The following DDX10 variants were observed in gnomAD, a reference collection of about 807,000 sequenced individuals.
DDX10 encodes DEAD-box helicase 10, also known as probable ATP-dependent RNA helicase DDX10.
A neutral mutation model predicts 104.3 loss-of-function variants in DDX10; 74 were observed. The observed-to-expected ratio is 0.71, with a 90% CI of 0.59 to 0.86. The LOEUF is 0.86. Among genes scored for constraint, DDX10 ranks in the 40% least tolerant of loss-of-function variants. DDX10 has a pLI of 0.00. For synonymous variants in DDX10, 351 were observed against 353.4 expected (o/e 0.99, Z 0.08); for missense variants, 952 against 1,040.0 (o/e 0.92, Z 1.16).
chr11:108,888,804 T>C (rs1223881850), intron 16 of DDX10, among the ~76,000 whole-genome samples: 4 of 152,186 alleles, frequency 2.6e-5, no homozygotes, highest in African/African-American at 9.6e-5. Context: ...AAACCACTTT[T>C]TTTGAAAGCT....
At chr11:108,702,380 A>C (rs2094269637) in intron 9 of DDX10, among the ~76,000 whole-genome samples, 1 of 152,220 alleles carries the variant, frequency 6.6e-6, no homozygotes, top group Admixed American at 6.5e-5. Context: ...TTTGTAACCT[A>C]ACTTGTAACA....
intron 17 of DDX10, among the ~76,000 whole-genome samples, chr11:108,937,244 G>C (rs1463206631): frequency 6.6e-6 from 1 of 152,134 alleles, no homozygotes; most frequent in Non-Finnish European, 1.5e-5. Flanking sequence ...TGACCTGAAC[G>C]TTCTAACTTC....
intron 17 of DDX10, among the ~76,000 whole-genome samples, chr11:108,931,014 CCAA>C (rs1340037785): frequency 2.0e-5 from 3 of 152,320 alleles, no homozygotes; most frequent in East Asian, 3.9e-4. Flanking sequence ...TCTCTTCCCT[CCAA>C]CAACATTTGT....
At chr11:108,832,604 C>A (rs1031538003) in intron 13 of DDX10, among the ~76,000 whole-genome samples, 1 of 152,180 alleles carries the variant, frequency 6.6e-6, no homozygotes, top group Non-Finnish European at 1.5e-5. Flanking sequence ...AAAACTTCCC[C>A]GAGGTACTCT....
chr11:108,857,990 C>G (rs1468015050), intron 16 of DDX10, among the ~76,000 whole-genome samples: 1 of 152,148 alleles, frequency 6.6e-6, no homozygotes, highest in African/African-American at 2.4e-5. Flanking sequence ...TATTGTGCAT[C>G]TCCTATTAGT....
rs114358145 is a variant in DDX10, at chr11:108,873,407, C to T, written c.2304+21198C>T. On this transcript the variant is annotated intron_variant, in intron 16 of 17. Coordinates refer to ENST00000322536, the MANE Select transcript of DDX10 (RefSeq NM_004398.4). ...TCACTGTCAGCTTTAGATCTACAGA[C>T]GTGTTATGCCTGATAGTTCAGAGAA... Among the ~76,000 whole-genome samples, 1,469 of 152,222 alleles carry T rather than the reference C, an allele frequency of 9.7e-3. 18 individuals are homozygous for T. Among genetic ancestry groups the T allele is most frequent in the African/African-American group, 0.033 (1,374 of 41,542 alleles).
chr11:108,761,373 T>G (rs2094350676), intron 13 of DDX10, among the ~76,000 whole-genome samples: 1 of 152,164 alleles, frequency 6.6e-6, no homozygotes, highest in South Asian at 2.1e-4. Context: ...ATTTTTTTTG[T>G]GTGGCCTATG....
chr11:108,839,334 C>G (rs1247587422), intron 14 of DDX10, among the ~76,000 whole-genome samples: 2 of 152,282 alleles, frequency 1.3e-5, no homozygotes, highest in African/African-American at 4.8e-5. Context: ...ATTTCTCTCA[C>G]CCTGCCTCAC....
intron 6 of DDX10, among the ~76,000 whole-genome samples, chr11:108,684,190 T>TA (rs1555014324): frequency 0.041 from 4,642 of 113,004 alleles, 185 homozygotes; most frequent in Non-Finnish European, 0.058. Flanking sequence ...TTTTTTTTTT[T>TA]AATTTTTTTT....
rs1444460970 is a variant in DDX10, at chr11:108,747,079, C to G, written c.1965+23617C>G. On this transcript the variant is annotated intron_variant, in intron 13 of 17. Transcript: ENST00000322536. ...TAAGAAGTGACTGGGTAGAATTGAA[C>G]ATGTATGTAAAGGGGTCTGAACATA... 3.3e-5 allele frequency among the ~76,000 whole-genome samples: 5 copies of G among 152,130 alleles called. No individual in the cohort carries two copies. In the South Asian group the frequency reaches 1.0e-3, roughly 32 times the overall value.
intron 15 of DDX10, among the ~76,000 whole-genome samples, chr11:108,847,905 A>C (rs184307495): frequency 6.6e-6 from 1 of 152,326 alleles, no homozygotes; most frequent in Non-Finnish European, 1.5e-5. Context: ...TGCAGCTTGC[A>C]AACAGCAGCC....
rs1345278029 is a variant in DDX10 at position 108,684,144 on chromosome 11, T to TC, written c.848+4584_848+4585insC. ...TTTATCTTATCTATTTCCAGTTCTT[T>TC]TTTTTTTTTTTTTTTTAAGGTTATA... On this transcript the variant is annotated intron_variant, in intron 6 of 17. Coordinates refer to ENST00000322536, the MANE Select transcript of DDX10 (RefSeq NM_004398.4). Among the ~76,000 whole-genome samples, 3 of 138,570 alleles carry TC rather than the reference T, an allele frequency of 2.2e-5. No individual in the cohort carries two copies. The East Asian group carries it at 6.2e-4, about 29-fold the overall frequency. The allele number at this position is 138,570 out of a possible 152,430, so 90.9% of individuals were successfully genotyped here. A position where few individuals can be genotyped will look rare whatever the true frequency, so the allele number is the denominator to read the frequency against.
chr11:108,863,309 A>C (rs943195287), intron 16 of DDX10, among the ~76,000 whole-genome samples: 2 of 152,180 alleles, frequency 1.3e-5, no homozygotes, highest in African/African-American at 4.8e-5. Context: ...AAACTTGGAA[A>C]ATGCTGCAGA....
At chr11:108,675,815 C>A in intron 3 of DDX10, 89 bp downstream of exon 3, 3 of 1,484,164 alleles carry the variant, frequency 2.0e-6, no homozygotes, top group Non-Finnish European at 2.8e-6. Flanking sequence ...GAGATGTTTT[C>A]ATGTTAGATT....
At chr11:108,831,729 TGTA>T (rs1441098721) in intron 13 of DDX10, among the ~76,000 whole-genome samples, 1 of 152,152 alleles carries the variant, frequency 6.6e-6, no homozygotes, top group Non-Finnish European at 1.5e-5. Flanking sequence ...TTGTAGGATA[TGTA>T]GTAGTAATGC....
At chr11:108,875,557 G>A (rs112815115) in intron 16 of DDX10, among the ~76,000 whole-genome samples, 4 of 152,278 alleles carry the variant, frequency 2.6e-5, no homozygotes, top group African/African-American at 4.8e-5. Context: ...GGCTGCTGAT[G>A]TGTTAAGTGC....
intron 13 of DDX10, among the ~76,000 whole-genome samples, chr11:108,750,926 CTTTTTTTTTTTTTTTTTTTTTTT>C (rs10582729): frequency 3.3e-4 from 8 of 24,262 alleles, no homozygotes; most frequent in Admixed American, 7.9e-4. Context: ...CACCTGGTTA[CTTTTTTTTTTTTTTTTTTTTTTT>C]TTTTTTTTTT....
chr11:108,719,172 A>G (rs2094295280), intron 11 of DDX10, among the ~76,000 whole-genome samples: 1 of 151,072 alleles, frequency 6.6e-6, no homozygotes, highest in Non-Finnish European at 1.5e-5. Context: ...TTGAAATCAT[A>G]AAAAAGAAAA....
chr11:108,866,411 C>T (rs1483371546), intron 16 of DDX10, among the ~76,000 whole-genome samples: 2 of 151,964 alleles, frequency 1.3e-5, no homozygotes, highest in African/African-American at 4.8e-5. Flanking sequence ...TTTAATGGGG[C>T]GGGCTGGAGC....
Sources: allele counts gnomAD v4.1 joint callset (sites outside exome capture counted in the v4.1 genomes callset), GRCh38; gene constraint gnomAD v4.1.1; transcripts MANE v1.5; gene names NCBI Gene and HGNC (gene_info 2026-07-23, HGNC 2026-07-21).